PCDHGB1: variants seen among roughly 807,000 people sequenced by gnomAD.
PCDHGB1 encodes the protein protocadherin gamma subfamily B, 1.
A neutral mutation model predicts 56.6 loss-of-function variants in PCDHGB1; 34 were observed. The ratio of observed to expected loss-of-function variants is 0.60; its 90% confidence interval spans 0.46 to 0.80. The LOEUF (loss-of-function observed/expected upper bound fraction) is 0.80, where lower values mean the gene tolerates loss of function less well. PCDHGB1 is among the 30% of genes least tolerant of loss of function. The pLI, the probability that PCDHGB1 is intolerant of heterozygous loss-of-function variation, is 0.00. For synonymous variants in PCDHGB1, 561 were observed against 505.9 expected (o/e 1.11, Z -1.46); for missense variants, 1,278 against 1,204.6 (o/e 1.06, Z -0.90).
intron 3 of PCDHGB1, among the ~76,000 whole-genome samples, chr5:141,509,064 C>T (rs890846779): frequency 6.6e-6 from 1 of 152,184 alleles, no homozygotes; most frequent in African/African-American, 2.4e-5. Flanking sequence ...AAGCTCTCAG[C>T]TCCGGGGATT....
chr5:141,438,074 T>C (rs963146682), intron 1 of PCDHGB1, among the ~76,000 whole-genome samples: 10 of 152,116 alleles, frequency 6.6e-5, no homozygotes, highest in African/African-American at 2.4e-4. Flanking sequence ...CCATACTTAA[T>C]GGAAAATTAC....
chr5:141,373,903 C>T (rs1769941634), intron 1 of PCDHGB1: 1 of 586,370 alleles, frequency 1.7e-6, no homozygotes. Flanking sequence ...GTTACATCCT[C>T]CAACAACAAA....
rs763315667 is a variant in PCDHGB1 at position 141,371,544 on chromosome 5, T to C, written c.2409+18875T>C. Reference sequence around the variant, plus strand: ...TTCTGGATTTAATGGAGAAATCCTATGCCAACTAAAAGGAAACTTCCCCTT... The same window carrying C: ...TTCTGGATTTAATGGAGAAATCCTACGCCAACTAAAAGGAAACTTCCCCTT... On this transcript the variant is annotated intron_variant, in intron 1 of 3. Transcript: ENST00000523390. 3.1e-6 allele frequency: 5 copies of C among 1,613,692 alleles called. No homozygotes were observed. The Admixed American group carries it at 5.0e-5, about 16-fold the overall frequency.
chr5:141,501,326 CA>C (rs1562200763), intron 2 of PCDHGB1, among the ~76,000 whole-genome samples: 18 of 151,784 alleles, frequency 1.2e-4, no homozygotes, highest in African/African-American at 1.9e-4. Flanking sequence ...CACACACACA[CA>C]CACACACCCC....
Position 141,476,036 on chromosome 5 carries a change from A to T in PCDHGB1, c.2410-18771A>T. ...ATGTCGGACTCGGCGCCCAGCGCCC[A>T]AGCGCTAACCCGCTGAAAGTTTCTC... On this transcript the variant is annotated intron_variant, in intron 1 of 3. Coordinates refer to ENST00000523390, the MANE Select transcript of PCDHGB1 (RefSeq NM_018922.3). This position sits in a 1 kb window ranked among gnomAD's most constrained non-coding sequence, Gnocchi z 7.6. 1.4e-6 allele frequency: 2 copies of T among 1,471,164 alleles called. No individual in the cohort carries two copies. The highest frequency in any genetic ancestry group is 1.8e-6 in the Non-Finnish European group (2 of 1,106,602). 91.1% of individuals were successfully genotyped at this position (1,471,164 alleles called of 1,614,324 possible).
intron 1 of PCDHGB1, among the ~76,000 whole-genome samples, chr5:141,474,311 G>T (rs1374954373): frequency 1.3e-5 from 2 of 152,134 alleles, no homozygotes. Context: ...AAACTTTAAT[G>T]TGTTTTCAAA....
chr5:141,508,269 C>T (rs1459186158), intron 3 of PCDHGB1: 1 of 152,186 alleles, frequency 6.6e-6, no homozygotes, highest in East Asian at 1.9e-4. Flanking sequence ...GAGAAAATCC[C>T]GGTCCTTGAC....
chr5:141,501,897 C>T (rs796164763), intron 2 of PCDHGB1, among the ~76,000 whole-genome samples: 17 of 152,230 alleles, frequency 1.1e-4, no homozygotes, highest in African/African-American at 3.4e-4. Flanking sequence ...ATCATGGTTC[C>T]AACCCCACTG....
chr5:141,431,648 A>G lies in PCDHGB1; in HGVS notation c.2410-63159A>G. 2 of 1,614,240 alleles carry G rather than the reference A, an allele frequency of 1.2e-6. No individual in the cohort carries two copies. The highest frequency in any genetic ancestry group is 1.7e-6 in the Non-Finnish European group (2 of 1,180,046). On this transcript the variant is annotated intron_variant, in intron 1 of 3. Transcript: ENST00000523390. The surrounding 1 kb of genome is among the most constrained non-coding windows in gnomAD (Gnocchi z 4.8). ...GGCCCAAGTTTTCAAACTAGATTGT[A>G]ATTCAGGGACAATATCAACAATAGG...
At position 141,487,543 on chromosome 5, in the gene PCDHGB1, A is replaced by G. The variant is rs2099649285; in HGVS notation, c.2410-7264A>G. On this transcript the variant is annotated intron_variant, in intron 1 of 3. Coordinates refer to ENST00000523390, the MANE Select transcript of PCDHGB1 (RefSeq NM_018922.3). This position sits in a 1 kb window ranked among gnomAD's most constrained non-coding sequence, Gnocchi z 5.0. ...GTGATAGCTTCATGATGGTGAAGTC[A>G]CCCAGTGCACCTATGGCAGGGGAGC... is the stretch of plus-strand genomic sequence containing the variant. The G allele has an allele frequency of 3.7e-6, 6 of 1,614,114 alleles. No homozygotes were observed. In the South Asian group the frequency reaches 5.5e-5, roughly 15 times the overall value.
intron 1 of PCDHGB1, chr5:141,403,949 G>T: frequency 1.2e-6 from 2 of 1,613,886 alleles, no homozygotes; most frequent in Non-Finnish European, 1.7e-6. Flanking sequence ...GTGGACAAAA[G>T]TGCTCATTTC....
chr5:141,370,734 T>G (rs1056339551), intron 1 of PCDHGB1: 2 of 1,613,896 alleles, frequency 1.2e-6, no homozygotes, highest in Non-Finnish European at 1.7e-6. Context: ...TGAAAAGCCT[T>G]TAAACTTTTT....
At chr5:141,470,552 T>G (rs1303190360) in intron 1 of PCDHGB1, among the ~76,000 whole-genome samples, 1 of 151,966 alleles carries the variant, frequency 6.6e-6, no homozygotes, top group East Asian at 1.9e-4. Flanking sequence ...TTATTGAGAG[T>G]TTCCTCTGTG....
intron 1 of PCDHGB1, chr5:141,371,837 G>A: frequency 6.2e-7 from 1 of 1,613,710 alleles, no homozygotes; most frequent in South Asian, 1.1e-5. Context: ...ATCCCGACTT[G>A]GGACCTAATG....
At chr5:141,362,983 T>C (rs1282790095) in intron 1 of PCDHGB1, among the ~76,000 whole-genome samples, 1 of 152,256 alleles carries the variant, frequency 6.6e-6, no homozygotes, top group Admixed American at 6.5e-5. Context: ...GACTTTTGCA[T>C]AATGGCATGG....
At position 141,351,539 on chromosome 5, in the gene PCDHGB1, G is replaced by A; in HGVS notation, c.1279G>A (p.Ala427Thr). The change falls in exon 1 of 4, where the codon GCC (alanine) becomes ACC (threonine). Residue 427 changes from alanine (A) to threonine (T), a missense_variant. By Grantham distance (58) the Ala-to-Thr change is moderately conservative. Coordinates refer to ENST00000523390, the MANE Select transcript of PCDHGB1 (RefSeq NM_018922.3). Reference protein sequence around the residue: ...TIIATDKGKPALSSRTSITLH... With the variant: ...TIIATDKGKPTLSSRTSITLH... ...CATAGCCACCGACAAGGGCAAACCA[G>A]CCCTTTCCTCCAGGACAAGCATCAC... The A allele has an allele frequency of 1.2e-6, 2 of 1,614,024 alleles. No homozygotes were observed. The highest frequency in any genetic ancestry group is 1.6e-4 in the Middle Eastern group (1 of 6,062).
chr5:141,486,148 G>A lies in PCDHGB1; in HGVS notation c.2410-8659G>A. On this transcript the variant is annotated intron_variant, in intron 1 of 3. Coordinates refer to ENST00000523390, the MANE Select transcript of PCDHGB1 (RefSeq NM_018922.3). This position sits in a 1 kb window ranked among gnomAD's most constrained non-coding sequence, Gnocchi z 5.0. ...AATTTGATGTGCGGGCTCGCGATGG[G>A]GGTTCTCCAGCCATGGAGCAACATT... 2 of 1,614,164 alleles carry A rather than the reference G, an allele frequency of 1.2e-6. No homozygotes were observed. The highest frequency in any genetic ancestry group is 1.7e-6 in the Non-Finnish European group (2 of 1,180,026).
Position 141,351,694 on chromosome 5 carries a change from A to G in PCDHGB1, c.1434A>G (p.Gly478=). Residue 478 remains glycine, a synonymous_variant, in exon 1 of 4, where the codon GGA becomes GGG. Coordinates refer to ENST00000523390, the MANE Select transcript of PCDHGB1 (RefSeq NM_018922.3). ...AQVSASDPDL[G]PNGRVSYSIL... Reference sequence around the variant, plus strand: ...TAAGCGCCTCCGACCCGGATTTGGGACCCAACGGCAGAGTCTCCTACTCTA... The same window carrying G: ...TAAGCGCCTCCGACCCGGATTTGGGGCCCAACGGCAGAGTCTCCTACTCTA... 1.9e-6 allele frequency: 3 copies of G among 1,613,918 alleles called. No homozygotes were observed. The highest frequency in any genetic ancestry group is 2.5e-6 in the Non-Finnish European group (3 of 1,179,890).
chr5:141,395,119 T>C, intron 1 of PCDHGB1: 1 of 1,614,182 alleles, frequency 6.2e-7, no homozygotes. Flanking sequence ...AGTCACCTGA[T>C]CTTTCCCCAG....
Sources: gnomAD v4.1 joint callset for allele counts (sites outside exome capture counted in the v4.1 genomes callset) on GRCh38, gnomAD v4.1.1 for gene constraint, Gnocchi (gnomAD v3.1) non-coding constraint, MANE v1.5 for transcripts, NCBI Gene and HGNC (gene_info 2026-07-23, HGNC 2026-07-21) for gene names.